The following BCL2 variants were observed in gnomAD, a reference collection of about 807,000 sequenced individuals.
BCL2 encodes the protein apoptosis regulator Bcl-2.
Under a neutral mutation model 14.2 loss-of-function variants are expected in BCL2, and 1 was observed. The observed-to-expected ratio is 0.07, with a 90% CI of 0.02 to 0.33. BCL2 has a LOEUF of 0.33. Among genes scored for constraint, BCL2 ranks in the 10% least tolerant of loss-of-function variants. The pLI is 0.99. For synonymous variants in BCL2, 151 were observed against 137.2 expected (o/e 1.10, Z -0.70); for missense variants, 247 against 305.9 (o/e 0.81, Z 1.44).
chr18:63,259,035 T>C (rs191055517), intron 2 of BCL2, among the ~76,000 whole-genome samples: 25 of 152,386 alleles, frequency 1.6e-4, no homozygotes, highest in African/African-American at 5.3e-4. Context: ...TCACATTTTA[T>C]TGAACCCATA....
intron 2 of BCL2, among the ~76,000 whole-genome samples, chr18:63,293,430 C>T (rs1912709919): frequency 6.6e-6 from 1 of 152,216 alleles, no homozygotes; most frequent in Admixed American, 6.5e-5. Flanking sequence ...CTATTTTCCT[C>T]CCAACCAAGT....
chr18:63,299,767 T>C (rs998430508), intron 2 of BCL2, among the ~76,000 whole-genome samples: 4 of 152,078 alleles, frequency 2.6e-5, no homozygotes, highest in African/African-American at 9.7e-5. Flanking sequence ...ATGGTACCCT[T>C]TCACATTCTC....
intron 2 of BCL2, among the ~76,000 whole-genome samples, chr18:63,174,392 C>T (rs535793252): frequency 4.0e-5 from 6 of 151,100 alleles, no homozygotes; most frequent in Admixed American, 2.0e-4. Flanking sequence ...TTTTTTTCTT[C>T]TCTGCTCCTC....
chr18:63,309,734 C>T (rs1048903984), intron 2 of BCL2, among the ~76,000 whole-genome samples: 1 of 152,210 alleles, frequency 6.6e-6, no homozygotes, highest in Non-Finnish European at 1.5e-5. Context: ...CCTTCAGTAA[C>T]CTCAGGGGAT....
chr18:63,239,369 C>A (rs755535092), intron 2 of BCL2, among the ~76,000 whole-genome samples: 1 of 152,206 alleles, frequency 6.6e-6, no homozygotes, highest in Non-Finnish European at 1.5e-5. Context: ...TTTGAGTGCA[C>A]AATGTCTGTC....
chr18:63,169,308 C>CCT (rs1568222461), intron 2 of BCL2, among the ~76,000 whole-genome samples: 2,083 of 55,164 alleles, frequency 0.038, 180 homozygotes, highest in South Asian at 0.08. Flanking sequence ...TTCTTTCTTT[C>CCT]TTCCTTCCTT....
intron 2 of BCL2, among the ~76,000 whole-genome samples, chr18:63,188,165 GCTAT>G (rs1375597503): frequency 1.3e-5 from 2 of 152,158 alleles, no homozygotes; most frequent in African/African-American, 4.8e-5. Context: ...TTTTTAAGCA[GCTAT>G]CTGTCTTACC....
chr18:63,291,380 T>C (rs1314599682), intron 2 of BCL2, among the ~76,000 whole-genome samples: 2 of 152,232 alleles, frequency 1.3e-5, no homozygotes, highest in Non-Finnish European at 2.9e-5. Flanking sequence ...TGCAAAAAGT[T>C]ATCACTCTTC....
intron 2 of BCL2, among the ~76,000 whole-genome samples, chr18:63,155,477 G>T (rs1914754306): frequency 1.3e-5 from 2 of 152,158 alleles, no homozygotes; most frequent in African/African-American, 4.8e-5. Flanking sequence ...GGTGGGAAAA[G>T]GAGGGTCTCG....
intron 2 of BCL2, among the ~76,000 whole-genome samples, chr18:63,209,307 T>C (rs79492464): frequency 0.06 from 9,191 of 152,188 alleles, 439 homozygotes; most frequent in African/African-American, 0.12. Flanking sequence ...CCTCCACTTA[T>C]ACAGACCAAG....
intron 2 of BCL2, among the ~76,000 whole-genome samples, chr18:63,174,714 G>T (rs1915309819): frequency 6.6e-6 from 1 of 151,840 alleles, no homozygotes; most frequent in African/African-American, 2.4e-5. Context: ...CAGCTACTCG[G>T]GGGGCTGAGG....
At chr18:63,270,780 T>G (rs1390398281) in intron 2 of BCL2, among the ~76,000 whole-genome samples, 1 of 152,206 alleles carries the variant, frequency 6.6e-6, no homozygotes, top group Non-Finnish European at 1.5e-5. Context: ...TGATAAGCAG[T>G]AAATACATAC....
intron 2 of BCL2, among the ~76,000 whole-genome samples, chr18:63,177,758 AAGAAGAAGGGGCGGAGAT>A (rs1915382591): frequency 6.6e-6 from 1 of 152,136 alleles, no homozygotes; most frequent in South Asian, 2.1e-4. Context: ...AACAGCCCCC[AAGAAGAAGGGGCGGAGAT>A]AGGGGGTAGG....
chr18:63,198,583 CAT>C (rs1176600951), intron 2 of BCL2, among the ~76,000 whole-genome samples: 6 of 150,132 alleles, frequency 4.0e-5, no homozygotes, highest in East Asian at 3.9e-4. Flanking sequence ...CACACAGACA[CAT>C]AGACACAGAG....
chr18:63,195,943 A>C (rs2144656557), intron 2 of BCL2, among the ~76,000 whole-genome samples: 1 of 152,316 alleles, frequency 6.6e-6, no homozygotes, highest in South Asian at 2.1e-4. Flanking sequence ...GAGAAAATAA[A>C]AGGTTTTTAA....
chr18:63,222,305 A>G (rs1399198780), intron 2 of BCL2, among the ~76,000 whole-genome samples: 5 of 151,494 alleles, frequency 3.3e-5, no homozygotes, highest in Non-Finnish European at 2.9e-5. Context: ...GAAAAAAGAA[A>G]GAAAGAAAGA....
intron 2 of BCL2, among the ~76,000 whole-genome samples, chr18:63,204,604 T>C (rs759042081): frequency 2.6e-5 from 4 of 152,168 alleles, no homozygotes; most frequent in Non-Finnish European, 5.9e-5. Flanking sequence ...TCAGGCCAAA[T>C]AGTTCACCCA....
intron 2 of BCL2, among the ~76,000 whole-genome samples, chr18:63,239,010 G>T: frequency 6.6e-6 from 1 of 152,234 alleles, no homozygotes; most frequent in South Asian, 2.1e-4. Context: ...GGGTAGGGGA[G>T]AGGCGGGGGC....
At chr18:63,284,610 G>A (rs1245863496) in intron 2 of BCL2, among the ~76,000 whole-genome samples, 2 of 152,168 alleles carry the variant, frequency 1.3e-5, no homozygotes, top group African/African-American at 4.8e-5. Flanking sequence ...ACTCGACAGG[G>A]TACTTTAAAC....
Sources: gnomAD v4.1 joint callset for allele counts (sites outside exome capture counted in the v4.1 genomes callset) on GRCh38, gnomAD v4.1.1 for gene constraint, MANE v1.5 for transcripts, NCBI Gene and HGNC (gene_info 2026-07-23, HGNC 2026-07-21) for gene names.